Variants in WWTR1 observed in about 807,000 individuals in gnomAD.
The protein encoded by WWTR1 is WW domain-containing transcription regulator protein 1.
A neutral mutation model predicts 40.1 loss-of-function variants in WWTR1; 13 were observed. The observed-to-expected ratio is 0.32, with a 90% CI of 0.21 to 0.52. The LOEUF is 0.52. Among genes scored for constraint, WWTR1 ranks in the 20% least tolerant of loss-of-function variants. The pLI is 0.97. For synonymous variants in WWTR1, 230 were observed against 210.1 expected, an observed-to-expected ratio of 1.09 and a Z score of -0.82; for missense variants, 436 against 523.1, an observed-to-expected ratio of 0.83 and a Z score of 1.63.
chr3:149,653,931 T>C (rs1713050991), intron 2 of WWTR1, among the ~76,000 whole-genome samples: 1 of 152,068 alleles, frequency 6.6e-6, no homozygotes, highest in South Asian at 2.1e-4. Flanking sequence ...AATCCTTTGA[T>C]TTCCAACTTA....
intron 5 of WWTR1, 54 bp from the exon 6 acceptor site, chr3:149,526,179 A>ATTTTATTTTTCTTTTCTTTTATTTTTAT: frequency 7.3e-7 from 1 of 1,364,692 alleles, no homozygotes; most frequent in Non-Finnish European, 1.0e-6. Context: ...ATAAATCTCA[A>ATTTTATTTTTCTTTTCTTTTATTTTTAT]AATTAAAACA....
intron 2 of WWTR1, among the ~76,000 whole-genome samples, chr3:149,629,575 T>A (rs1711501592): frequency 1.3e-5 from 2 of 152,228 alleles, no homozygotes; most frequent in Non-Finnish European, 2.9e-5. Context: ...CAAATACCAG[T>A]AACTTGTTAC....
At chr3:149,679,407 A>G (rs757302673) in intron 1 of WWTR1, among the ~76,000 whole-genome samples, 7 of 152,212 alleles carry the variant, frequency 4.6e-5, no homozygotes, top group Admixed American at 1.3e-4. Flanking sequence ...ATATTCACCA[A>G]TGAATATGTC....
chr3:149,723,185 C>CTTTTTTTTT (rs35573546), intron 4 of WWTR1, among the ~76,000 whole-genome samples: 4 of 101,816 alleles, frequency 3.9e-5, no homozygotes, highest in African/African-American at 7.9e-5. Flanking sequence ...CTTTTCTTTT[C>CTTTTTTTTT]TTTTTTTTTT....
intron 4 of WWTR1, among the ~76,000 whole-genome samples, chr3:149,721,849 C>T (rs528189015): frequency 1.3e-5 from 2 of 152,256 alleles, no homozygotes; most frequent in African/African-American, 4.8e-5. Flanking sequence ...CAGTTGCATG[C>T]CACTGTGCAG....
intron 1 of WWTR1, among the ~76,000 whole-genome samples, chr3:149,696,279 C>A (rs191492243): frequency 2.3e-4 from 35 of 152,162 alleles, no homozygotes; most frequent in African/African-American, 8.2e-4. Flanking sequence ...CAGAGACTGG[C>A]AACACCAAGC....
At chr3:149,543,359 G>C (rs979724843) in intron 3 of WWTR1, among the ~76,000 whole-genome samples, 10 of 152,110 alleles carry the variant, frequency 6.6e-5, no homozygotes, top group Non-Finnish European at 1.3e-4. Flanking sequence ...AAGGCGAACG[G>C]ATCATGAGGT....
intron 4 of WWTR1, among the ~76,000 whole-genome samples, chr3:149,536,942 C>T (rs975616088): frequency 6.6e-6 from 1 of 152,000 alleles, no homozygotes; most frequent in Non-Finnish European, 1.5e-5. Flanking sequence ...GGCCCCAAAC[C>T]GTTATATTTA....
Position 149,549,715 on chromosome 3 carries a change from C to T in WWTR1, c.569-7178G>A, listed in dbSNP as rs116949584. Among the ~76,000 whole-genome samples the T allele has an allele frequency of 1.2e-4, 18 of 152,060 alleles. No individual in the cohort carries two copies. The East Asian group carries it at 3.3e-3, about 28-fold the overall frequency. ...TTAGCTGGGCATGGTGGCATGCATTCGTGGTCCCAGCTACTTGGGAGGCTG... is the reference window on the plus strand; with the variant it reads ...TTAGCTGGGCATGGTGGCATGCATTTGTGGTCCCAGCTACTTGGGAGGCTG... On this transcript the variant is annotated intron_variant, in intron 3 of 6. Transcript: ENST00000360632.
At chr3:149,644,794 C>T (rs556779588) in intron 2 of WWTR1, among the ~76,000 whole-genome samples, 2 of 152,252 alleles carry the variant, frequency 1.3e-5, no homozygotes, top group African/African-American at 4.8e-5. Flanking sequence ...TAGTGTGTGT[C>T]TTGGGGTTGC....
chr3:149,712,322 A>G (rs1715494181), intron 5 of WWTR1, among the ~76,000 whole-genome samples: 1 of 152,186 alleles, frequency 6.6e-6, no homozygotes, highest in Admixed American at 6.5e-5. Context: ...TTTTATTTTA[A>G]GTATCTTTGC....
rs1274240073 is a variant in WWTR1, at chr3:149,656,787, T to TCACACA, written c.431+88_431+89insTGTGTG. 4,292 of 854,736 alleles carry TCACACA rather than the reference T, an allele frequency of 5.0e-3. 21 individuals carry two copies. Among genetic ancestry groups the TCACACA allele is most frequent in the African/African-American group, 0.017 (895 of 53,470 alleles). The allele number at this position is 854,736 out of a possible 1,614,324, so 52.9% of individuals were successfully genotyped here. A position where few individuals can be genotyped will look rare whatever the true frequency, so the allele number is the denominator to read the frequency against. ...CTTTCTCTCTCTCTCTCTCTCTCTC[T>TCACACA]CTCTCACACACACACACACACACAC... is the stretch of plus-strand genomic sequence containing the variant. On this transcript the variant is annotated intron_variant, in intron 2 of 6. Transcript: ENST00000360632.
chr3:149,635,643 AAGAAGG>A (rs1711781961), intron 2 of WWTR1, among the ~76,000 whole-genome samples: 1 of 150,986 alleles, frequency 6.6e-6, no homozygotes, highest in African/African-American at 2.5e-5. Flanking sequence ...AGGAAGAAGG[AAGAAGG>A]AGAAGAAGAA....
chr3:149,684,753 G>A (rs551127599), intron 1 of WWTR1, among the ~76,000 whole-genome samples: 19 of 152,014 alleles, frequency 1.2e-4, no homozygotes, highest in South Asian at 6.2e-4. Flanking sequence ...TTGTAGAGAC[G>A]GGGTTTCACC....
chr3:149,539,085 G>GC (rs1735964064), intron 4 of WWTR1, among the ~76,000 whole-genome samples: 1 of 152,158 alleles, frequency 6.6e-6, no homozygotes, highest in Non-Finnish European at 1.5e-5. Flanking sequence ...CAATGCCAAT[G>GC]AGTTAATAGG....
chr3:149,523,720 T>C (rs1257093546), intron 6 of WWTR1, among the ~76,000 whole-genome samples: 1 of 152,250 alleles, frequency 6.6e-6, no homozygotes, highest in Admixed American at 6.5e-5. Context: ...CCCTTCAGCA[T>C]GTGGCCAGCG....
chr3:149,704,839 C>A (rs1715287219), upstream of WWTR1, among the ~76,000 whole-genome samples: 1 of 146,432 alleles, frequency 6.8e-6, no homozygotes, highest in African/African-American at 2.5e-5. Context: ...AGACAGAACA[C>A]ACAAAAGTTA....
At chr3:149,690,190 A>G (rs1475806372) in intron 1 of WWTR1, among the ~76,000 whole-genome samples, 4 of 152,166 alleles carry the variant, frequency 2.6e-5, no homozygotes, top group Non-Finnish European at 5.9e-5. Flanking sequence ...CATTTTCACA[A>G]AAAGGAAGAC....
In WWTR1 at chr3:149,696,630, C is replaced by T. The variant is rs990784139; in HGVS notation, c.-108+6494G>A. Among the ~76,000 whole-genome samples the T allele has an allele frequency of 3.3e-5, 5 of 152,208 alleles. No homozygotes were observed. The East Asian group carries it at 9.6e-4, about 29-fold the overall frequency. On this transcript the variant is annotated intron_variant, in intron 1 of 7. Transcript: ENST00000465804. ...ACAGAATCTATTCTCATGATCATTG[C>T]TGCATACCAGTCCCTGAAGGTCTTT...
Sources: allele counts gnomAD v4.1 joint callset (sites outside exome capture counted in the v4.1 genomes callset), GRCh38; gene constraint gnomAD v4.1.1; transcripts MANE v1.5; gene names NCBI Gene and HGNC (gene_info 2026-07-23, HGNC 2026-07-21).